RASGRF1: variants seen among roughly 807,000 people sequenced by gnomAD.
RASGRF1 encodes ras-specific guanine nucleotide-releasing factor 1.
In RASGRF1, 40 loss-of-function variants were observed where a neutral mutation model predicts 138.7. The observed-to-expected ratio is 0.29, with a 90% CI of 0.22 to 0.38. The LOEUF is 0.38. RASGRF1 is among the 10% of genes least tolerant of loss of function. RASGRF1 has a pLI of 1.00. For missense variants in RASGRF1, 1,108 were observed against 1,650.4 expected, an observed-to-expected ratio of 0.67 and a Z score of 5.69; for synonymous variants, 614 against 663.2, an observed-to-expected ratio of 0.93 and a Z score of 1.14.
chr15:78,969,594 G>A (rs915920281), intron 26 of RASGRF1, among the ~76,000 whole-genome samples: 6 of 152,038 alleles, frequency 3.9e-5, no homozygotes, highest in African/African-American at 1.4e-4. Flanking sequence ...GCTTGAACCC[G>A]GGAGGCAGAG....
chr15:79,042,425 C>T (rs75305229), intron 5 of RASGRF1, among the ~76,000 whole-genome samples: 2,706 of 152,308 alleles, frequency 0.018, 44 homozygotes, highest in East Asian at 0.039. Flanking sequence ...CAGTGAGGTT[C>T]ACATCCTGGA....
At chr15:79,080,757 TGATGGATTA>T (rs1320502343) in intron 1 of RASGRF1, among the ~76,000 whole-genome samples, 2 of 152,204 alleles carry the variant, frequency 1.3e-5, no homozygotes, top group Non-Finnish European at 2.9e-5. Flanking sequence ...GCATTAGCCC[TGATGGATTA>T]GTAAAATCTA....
intron 1 of RASGRF1, 108 bp downstream of exon 1, chr15:79,090,115 C>T: frequency 1.4e-6 from 2 of 1,389,794 alleles, no homozygotes; most frequent in Non-Finnish European, 1.9e-6. Flanking sequence ...GCCTAGGGCG[C>T]CAAGAGTAGA....
chr15:78,967,525 G>A (rs537206945), intron 26 of RASGRF1, among the ~76,000 whole-genome samples: 1 of 151,956 alleles, frequency 6.6e-6, no homozygotes, highest in Non-Finnish European at 1.5e-5. Context: ...CTCCAGCCTG[G>A]GTGACAGGGT....
At chr15:79,059,372 TCCTTCCCTTCCCTTCCCTTCCCTTC>T (rs370008646) in intron 2 of RASGRF1, among the ~76,000 whole-genome samples, 45 of 38,454 alleles carry the variant, frequency 1.2e-3, no homozygotes, top group East Asian at 6.6e-3. Flanking sequence ...CCCTTCCCAA[TCCTTCCCTTCCCTTCCCTTCCCTTC>T]CCTTCCCTTC....
In RASGRF1 at chr15:78,985,108, G is replaced by A. The variant is rs1309976654; in HGVS notation, c.3313C>T (p.Arg1105Cys). 25 of 1,613,262 alleles carry A rather than the reference G, an allele frequency of 1.5e-5. No individual in the cohort carries two copies. Among genetic ancestry groups the A allele is most frequent in the Non-Finnish European group, 1.8e-5 (21 of 1,179,360 alleles). Reference protein sequence around the residue: ...EKWVAVADICRCLHNYNAVLE... With the variant: ...EKWVAVADICCCLHNYNAVLE... The stretch of plus-strand genomic sequence containing the variant: ...ACGGCATTGTAGTTGTGGAGGCAGC[G>A]GCATATGTCAGCTACGGCCACCCAC... Residue 1105 changes from arginine (R) to cysteine (C), a missense_variant, in exon 23 of 27, where the codon CGC (arginine) becomes TGC (cysteine). Around this residue, in one of 3 missense-constraint regions of RASGRF1, gnomAD observed 686 missense variants for 976.7 expected, o/e 0.70. Transcript: ENST00000558480.
chr15:79,026,434 C>T (rs2057054957), intron 9 of RASGRF1, among the ~76,000 whole-genome samples: 1 of 152,202 alleles, frequency 6.6e-6, no homozygotes, highest in Non-Finnish European at 1.5e-5. Context: ...CAGGGAGATC[C>T]ACCTGGCACC....
chr15:79,080,498 G>A lies in RASGRF1; in HGVS notation c.276+9725C>T, dbSNP rs151193010. 5.3e-5 allele frequency among the ~76,000 whole-genome samples: 8 copies of A among 152,316 alleles called. No homozygotes were observed. In the East Asian group the frequency reaches 1.5e-3, roughly 29 times the overall value. On this transcript the variant is annotated intron_variant, in intron 1 of 26. Transcript: ENST00000558480. Reference sequence around the variant, plus strand: ...AGAGCCCAAGAGGTATCTAAACAAAGTTGATTATATTTCACTCATATAGTC... The same window carrying A: ...AGAGCCCAAGAGGTATCTAAACAAAATTGATTATATTTCACTCATATAGTC...
In RASGRF1 at chr15:79,032,113, C is replaced by T. The variant is rs1323446341; in HGVS notation, c.1152+10G>A. ...TGACTCTACCCCACCCAGGCAGGGC[C>T]GGACGCCACCTGGAACATGGGGTAG... On this transcript the variant is annotated intron_variant, in intron 7 of 26. Coordinates refer to ENST00000558480, the MANE Select transcript of RASGRF1 (RefSeq NM_001145648.3). The surrounding 1 kb of genome is among the most constrained non-coding windows in gnomAD (Gnocchi z 4.5). The T allele has an allele frequency of 1.9e-5, 30 of 1,611,922 alleles. No homozygotes were observed. The East Asian group carries it at 3.6e-4, about 19-fold the overall frequency.
At chr15:79,004,691 G>A (rs2056632316) in intron 14 of RASGRF1, 1 of 986,070 alleles carries the variant, frequency 1.0e-6, no homozygotes, top group African/African-American at 1.7e-5. Context: ...AACTTAGGGG[G>A]ATGGGAAGCT....
At chr15:79,047,949 A>C (rs1371376791) in intron 4 of RASGRF1, among the ~76,000 whole-genome samples, 1 of 148,450 alleles carries the variant, frequency 6.7e-6, no homozygotes, top group Non-Finnish European at 1.5e-5. Flanking sequence ...CCGTAGACAG[A>C]AGAGGCCTGC....
intron 4 of RASGRF1, 29 bp from the exon 5 acceptor site, chr15:79,047,028 T>C (rs1319430259): frequency 6.3e-7 from 1 of 1,599,452 alleles, no homozygotes; most frequent in Non-Finnish European, 8.5e-7. Flanking sequence ...GGGGAGAGGC[T>C]CCTGTCAGGG....
At chr15:78,979,089 C>T (rs895880842) in intron 24 of RASGRF1, 29 of 1,290,060 alleles carry the variant, frequency 2.2e-5, no homozygotes, top group Middle Eastern at 4.3e-4. Flanking sequence ...GGCGGACGGA[C>T]GGACAAGTTG....
At chr15:79,081,667 C>T (rs149216457) in intron 1 of RASGRF1, among the ~76,000 whole-genome samples, 42 of 152,278 alleles carry the variant, frequency 2.8e-4, no homozygotes, top group East Asian at 2.1e-3. Context: ...TCCTGTGTGC[C>T]AGCAGGGATC....
At chr15:79,037,191 C>A (rs540069268) in intron 5 of RASGRF1, among the ~76,000 whole-genome samples, 2 of 152,158 alleles carry the variant, frequency 1.3e-5, no homozygotes, top group Admixed American at 6.5e-5. Flanking sequence ...AGCAAGAGAC[C>A]AACCCAGGGG....
rs1485201248 is a variant in RASGRF1 at position 78,980,824 on chromosome 15, G to T, written c.3415-125C>A. 7.8e-6 allele frequency: 5 copies of T among 638,760 alleles called. No homozygotes were observed. The South Asian group carries it at 8.3e-5, about 11-fold the overall frequency. The allele number at this position is 638,760 out of a possible 1,614,324, so 39.6% of individuals were successfully genotyped here. A position where few individuals can be genotyped will look rare whatever the true frequency, so the allele number is the denominator to read the frequency against. Reference sequence around the variant, plus strand: ...CCAGAATTGCCTTCCCTTGGGATCTGGGGGCCTCCTGTGTTTGGGCACCTT... The same window carrying T: ...CCAGAATTGCCTTCCCTTGGGATCTTGGGGCCTCCTGTGTTTGGGCACCTT... On this transcript the variant is annotated intron_variant, in intron 23 of 26. Transcript: ENST00000558480.
intron 2 of RASGRF1, among the ~76,000 whole-genome samples, chr15:79,060,308 G>A (rs1389544307): frequency 6.6e-6 from 1 of 152,184 alleles, no homozygotes; most frequent in Non-Finnish European, 1.5e-5. Flanking sequence ...CAGACCCCAG[G>A]GCTTGACAAA....
chr15:78,963,635 G>A (rs995079522), intron 26 of RASGRF1, among the ~76,000 whole-genome samples: 3 of 152,052 alleles, frequency 2.0e-5, no homozygotes, highest in African/African-American at 7.2e-5. Flanking sequence ...GAATCTTTTG[G>A]TAGCTGCTTG....
In RASGRF1 at chr15:79,046,642, A is replaced by G; in HGVS notation, c.878+104T>C. 6.5e-7 allele frequency: 1 copy of G among 1,542,410 alleles called. No homozygotes were observed. The highest frequency in any genetic ancestry group is 8.8e-7 in the Non-Finnish European group (1 of 1,132,372). ...GGCACTTCTGTCCTCTCTGGGCCTCATCTGCACTCGGTGGGAACCACGTGA... is the reference window on the plus strand; with the variant it reads ...GGCACTTCTGTCCTCTCTGGGCCTCGTCTGCACTCGGTGGGAACCACGTGA... On this transcript the variant is annotated intron_variant, in intron 5 of 26. Coordinates refer to ENST00000558480, the MANE Select transcript of RASGRF1 (RefSeq NM_001145648.3). This position sits in a 1 kb window ranked among gnomAD's most constrained non-coding sequence, Gnocchi z 5.3.
Sources: gnomAD v4.1 joint callset for allele counts (sites outside exome capture counted in the v4.1 genomes callset) on GRCh38, gnomAD v4.1.1 for gene constraint, gnomAD v4.1.1 regional missense constraint, Gnocchi (gnomAD v3.1) non-coding constraint, MANE v1.5 for transcripts, NCBI Gene and HGNC (gene_info 2026-07-23, HGNC 2026-07-21) for gene names.